AHNAK: variants seen among roughly 807,000 people sequenced by gnomAD.
AHNAK encodes neuroblast differentiation-associated protein AHNAK.
In AHNAK, 23 loss-of-function variants were observed where a neutral mutation model predicts 37.8. The ratio of observed to expected loss-of-function variants is 0.61; its 90% CI spans 0.44 to 0.86. AHNAK has a LOEUF of 0.86. Ranked by LOEUF, AHNAK falls within the 40% of genes least tolerant of loss-of-function variation. AHNAK has a pLI of 0.00. For missense variants in AHNAK, 7,411 were observed against 7,319.4 expected (o/e 1.01, Z -0.46); for synonymous variants, 2,481 against 2,636.3 (o/e 0.94, Z 1.80).
chr11:62,530,956 T>G lies in AHNAK; in HGVS notation c.3461A>C (p.Asp1154Ala), dbSNP rs1164192144. The G allele has an allele frequency of 1.2e-6, 2 of 1,614,014 alleles. No individual in the cohort carries two copies. The highest frequency in any genetic ancestry group is 3.3e-5 in the Admixed American group (2 of 60,012). ...CACCTTGGGTCCTGAGACAACAACG[T>G]CAGCCTTAGGCAAGTTCACATCCAC... ...PEVDVNLPKA[D>A]VVVSGPKVDI... Residue 1154 changes from aspartate (D) to alanine (A), a missense_variant, in exon 5 of 5, where the codon GAC (aspartate) becomes GCC (alanine). Coordinates refer to ENST00000378024, the MANE Select transcript of AHNAK (RefSeq NM_001620.3).
rs759308069 is a variant in AHNAK, at chr11:62,517,855, G to C, written c.16562C>G (p.Pro5521Arg). The change falls in exon 5 of 5, where the codon CCT becomes CGT. Residue 5521 changes from proline to arginine, a missense_variant. Coordinates refer to ENST00000378024, the MANE Select transcript of AHNAK (RefSeq NM_001620.3). ...VKLPTGQISG[P>R]EIKGGLKGSE... ...ACCTTTCAGACCACCTTTGATTTCA[G>C]GCCCAGAAATCTGCCCAGTTGGGAG... The C allele has an allele frequency of 6.2e-7, 1 of 1,614,130 alleles. No homozygotes were observed. The highest frequency in any genetic ancestry group is 8.5e-7 in the Non-Finnish European group (1 of 1,179,994).
Position 62,517,708 on chromosome 11 carries a change from G to A in AHNAK, c.16709C>T (p.Ala5570Val), listed in dbSNP as rs377246595. Residue 5570 changes from alanine to valine, a missense_variant, in exon 5 of 5, where the codon GCG becomes GTG. Physicochemically the swap from Ala to Val is moderately conservative, Grantham distance 64. Coordinates refer to ENST00000378024, the MANE Select transcript of AHNAK (RefSeq NM_001620.3). ...NLKGPKIKGG[A>V]DVSGGVSAPD... The stretch of plus-strand genomic sequence containing the variant: ...GGCACTGACACCCCCTGAAACATCC[G>A]CACCTCCTTTGATTTTTGGGCCCTT... 345 of 1,613,982 alleles carry A rather than the reference G, an allele frequency of 2.1e-4. No homozygotes were observed. Among genetic ancestry groups the A allele is most frequent in the Non-Finnish European group, 2.7e-4 (319 of 1,180,012 alleles).
chr11:62,518,291 C>T lies in AHNAK; in HGVS notation c.16126G>A (p.Val5376Ile), dbSNP rs200207941. 5 of 1,614,192 alleles carry T rather than the reference C, an allele frequency of 3.1e-6. No individual in the cohort carries two copies. In the South Asian group the frequency reaches 4.4e-5, roughly 14 times the overall value. Residue 5376 changes from valine (V) to isoleucine (I), a missense_variant, in exon 5 of 5, where the codon GTC becomes ATC. Val to Ile is a conservative substitution (Grantham distance 29). Coordinates refer to ENST00000378024, the MANE Select transcript of AHNAK (RefSeq NM_001620.3). Reference protein sequence around the residue: ...RGPSLQGDLAVSGDIKCPKVS... With the variant: ...RGPSLQGDLAISGDIKCPKVS... ...TTAGGGCATTTGATGTCACCAGAGA[C>T]AGCCAGATCTCCCTGCAGGCTTGGT...
At chr11:62,438,136 G>A (rs996117245) in intron 5 of AHNAK, among the ~76,000 whole-genome samples, 1 of 151,140 alleles carries the variant, frequency 6.6e-6, no homozygotes, top group Non-Finnish European at 1.5e-5. Flanking sequence ...TGGCCATCTG[G>A]GTATCCTCTT....
chr11:62,523,834 C>T lies in AHNAK; in HGVS notation c.10583G>A (p.Gly3528Asp). 1.2e-6 allele frequency: 2 copies of T among 1,614,184 alleles called. No homozygotes were observed. Among genetic ancestry groups the T allele is most frequent in the Non-Finnish European group, 8.5e-7 (1 of 1,180,034 alleles). ...NVEGPEGGLK[G>D]PKFKMPDMNI... ...CATGTCAGGCATCTTGAATTTGGGA[C>T]CTTTCAAGCCTCCCTCCGGACCTTC... Residue 3528 changes from glycine (G) to aspartate (D), a missense_variant, in exon 5 of 5, where the codon GGT (glycine) becomes GAT (aspartate). Transcript: ENST00000378024.
intron 5 of AHNAK, among the ~76,000 whole-genome samples, chr11:62,457,965 G>A (rs1471871903): frequency 1.3e-5 from 2 of 148,994 alleles, no homozygotes; most frequent in Non-Finnish European, 3.0e-5. Flanking sequence ...GCAGGCTGGA[G>A]CGCAGTGGCG....
chr11:62,444,225 CT>C (rs1219305029), intron 5 of AHNAK, among the ~76,000 whole-genome samples: 3 of 151,102 alleles, frequency 2.0e-5, no homozygotes, highest in Non-Finnish European at 2.9e-5. Flanking sequence ...ATAAGTGAGC[CT>C]GGGGGGACTT....
chr11:62,449,251 T>G (rs1309299960), intron 5 of AHNAK, among the ~76,000 whole-genome samples: 1 of 152,214 alleles, frequency 6.6e-6, no homozygotes, highest in African/African-American at 2.4e-5. Context: ...TGCTCTCTCC[T>G]TCCGTTCCCT....
At chr11:62,478,998 C>G (rs1430701349) in intron 5 of AHNAK, among the ~76,000 whole-genome samples, 2 of 151,974 alleles carry the variant, frequency 1.3e-5, no homozygotes, top group African/African-American at 2.4e-5. Flanking sequence ...GCCTCAGCCT[C>G]CTGAGTAGCT....
chr11:62,497,364 A>G (rs2134171194), intron 4 of AHNAK, among the ~76,000 whole-genome samples: 1 of 152,344 alleles, frequency 6.6e-6, no homozygotes, highest in South Asian at 2.1e-4. Flanking sequence ...AAGCCACTCA[A>G]GAAAACAGAG....
intron 4 of AHNAK, among the ~76,000 whole-genome samples, chr11:62,504,532 C>T (rs188486804): frequency 5.3e-4 from 80 of 152,242 alleles, no homozygotes; most frequent in Non-Finnish European, 8.7e-4. Flanking sequence ...TAGAAAATGC[C>T]CTGGCGTTAT....
At chr11:62,456,038 CA>C (rs909072186) in intron 5 of AHNAK, among the ~76,000 whole-genome samples, 172 of 151,308 alleles carry the variant, frequency 1.1e-3, no homozygotes, top group African/African-American at 4.0e-3. Context: ...AAACTGTCTC[CA>C]AAAAAAACAA....
At chr11:62,482,286 G>C (rs139497029) in intron 5 of AHNAK, among the ~76,000 whole-genome samples, 1 of 152,100 alleles carries the variant, frequency 6.6e-6, no homozygotes, top group African/African-American at 2.4e-5. Flanking sequence ...GTGGTGGTGC[G>C]TGCCTGTAGT....
intron 5 of AHNAK, among the ~76,000 whole-genome samples, chr11:62,465,569 T>C (rs1938894438): frequency 1.3e-5 from 2 of 151,986 alleles, no homozygotes; most frequent in African/African-American, 4.8e-5. Flanking sequence ...GCCAAGATCG[T>C]GCCATTGCAC....
intron 5 of AHNAK, among the ~76,000 whole-genome samples, chr11:62,483,986 G>A (rs566741885): frequency 1.3e-4 from 17 of 129,872 alleles, no homozygotes; most frequent in South Asian, 1.2e-3. Flanking sequence ...GCAGTGAGCC[G>A]AGATCGCACC....
chr11:62,433,787 G>T, exon 6 of AHNAK: 1 of 1,546,660 alleles, frequency 6.5e-7, no homozygotes, highest in Non-Finnish European at 8.9e-7. Flanking sequence ...TGTTGCCCTT[G>T]GCACAGCAAT....
intron 5 of AHNAK, among the ~76,000 whole-genome samples, chr11:62,471,086 C>G (rs935704923): frequency 6.6e-6 from 1 of 152,210 alleles, no homozygotes; most frequent in Non-Finnish European, 1.5e-5. Flanking sequence ...CTCCTGCATC[C>G]AGCTGCAGGG....
intron 5 of AHNAK, among the ~76,000 whole-genome samples, chr11:62,455,686 C>T (rs1938641562): frequency 1.3e-5 from 2 of 151,410 alleles, no homozygotes; most frequent in African/African-American, 4.9e-5. Flanking sequence ...ACCTGGGCAA[C>T]AAGAGCGAAA....
intron 4 of AHNAK, among the ~76,000 whole-genome samples, chr11:62,504,286 G>A (rs540716841): frequency 2.6e-5 from 4 of 152,112 alleles, no homozygotes; most frequent in Non-Finnish European, 4.4e-5. Flanking sequence ...TTTAAATAGC[G>A]TGAAGGACAA....
Sources: gnomAD v4.1 joint callset for allele counts (sites outside exome capture counted in the v4.1 genomes callset) on GRCh38, gnomAD v4.1.1 for gene constraint, MANE v1.5 for transcripts, NCBI Gene and HGNC (gene_info 2026-07-23, HGNC 2026-07-21) for gene names.